POSTN: variants seen among roughly 807,000 people sequenced by gnomAD.
POSTN encodes periostin.
A neutral mutation model predicts 104.5 loss-of-function variants in POSTN; 71 were observed. The ratio of observed to expected loss-of-function variants is 0.68; its 90% confidence interval spans 0.56 to 0.83. The LOEUF (loss-of-function observed/expected upper bound fraction) is 0.83, where lower values mean the gene tolerates loss of function less well. Among genes scored for constraint, POSTN ranks in the 40% least tolerant of loss-of-function variants. The pLI is 0.00. For missense variants in POSTN, 949 were observed against 1,006.8 expected (o/e 0.94, Z 0.78); for synonymous variants, 355 against 340.7 (o/e 1.04, Z -0.46).
Position 37,569,377 on chromosome 13 carries a change from G to T in POSTN, c.2354C>A (p.Thr785Asn). The T allele has an allele frequency of 6.2e-7, 1 of 1,611,754 alleles. No homozygotes were observed. Among genetic ancestry groups the T allele is most frequent in the African/African-American group, 1.3e-5 (1 of 74,930 alleles). ...ACCTTCAATGAATTTGGTGACCTTG[G>T]TGACCTCTGAGAGGATACATGTTTA... The part of the protein sequence containing the change: ...TLKKLLQEEV[T>N]KVTKFIEGGD... The change falls in exon 21 of 23, where the codon ACC becomes AAC. Residue 785 changes from threonine (T) to asparagine (N), a missense_variant. By Grantham distance (65) the Thr-to-Asn change is moderately conservative. Coordinates refer to ENST00000379747, the MANE Select transcript of POSTN (RefSeq NM_006475.3).
rs193235934 is a variant in POSTN, at chr13:37,590,728, C to G, written c.284-199G>C. Among the ~76,000 whole-genome samples the G allele has an allele frequency of 3.4e-5, 5 of 148,896 alleles. No homozygotes were observed. In the East Asian group the frequency reaches 1.1e-3, roughly 33 times the overall value. On this transcript the variant is annotated intron_variant, in intron 3 of 22. Coordinates refer to ENST00000379747, the MANE Select transcript of POSTN (RefSeq NM_006475.3). ...AATGCTACTGAAAAACATTATTTTA[C>G]ATATCCTTTGTGTTGAGGAAAAAAA...
intron 17 of POSTN, among the ~76,000 whole-genome samples, chr13:37,573,229 G>A (rs992522559): frequency 2.0e-5 from 3 of 151,348 alleles, no homozygotes; most frequent in African/African-American, 7.3e-5. Flanking sequence ...TTAAAAACAG[G>A]ACAAGATTTG....
chr13:37,591,556 A>G (rs1046805077), intron 3 of POSTN, among the ~76,000 whole-genome samples: 1 of 152,188 alleles, frequency 6.6e-6, no homozygotes, highest in Non-Finnish European at 1.5e-5. Flanking sequence ...TCATATTAAA[A>G]GAATTGGGGA....
rs1253544051 is a variant in POSTN, at chr13:37,592,106, G to C, written c.277C>G (p.Pro93Ala). 6.2e-7 allele frequency: 1 copy of C among 1,604,304 alleles called. No homozygotes were observed. Among genetic ancestry groups the C allele is most frequent in the Non-Finnish European group, 8.5e-7 (1 of 1,171,558 alleles). ...YMRMEGMKGC[P>A]AVLPIDHVYG... ...CAAAAAATTGAGATTTTACCTGCTG[G>C]GCAGCCTTTCATTCCTTCCATTCTC... Residue 93 changes from proline to alanine, a missense_variant, in exon 3 of 23, where the codon CCA (proline) becomes GCA (alanine). Pro to Ala is a conservative substitution (Grantham distance 27). Transcript: ENST00000379747.
chr13:37,578,269 ATT>A (rs1394070286), intron 15 of POSTN, among the ~76,000 whole-genome samples: 1 of 152,158 alleles, frequency 6.6e-6, no homozygotes, highest in African/African-American at 2.4e-5. Context: ...GACATGTCCA[ATT>A]TAAATACATA....
intron 4 of POSTN, among the ~76,000 whole-genome samples, chr13:37,588,577 C>T (rs1182142733): frequency 6.6e-6 from 1 of 152,074 alleles, no homozygotes; most frequent in Admixed American, 6.6e-5. Context: ...GGGAAAAATG[C>T]TTTCAGGGCT....
chr13:37,570,491 G>T, intron 19 of POSTN, 89 bp downstream of exon 19: 2 of 878,324 alleles, frequency 2.3e-6, no homozygotes, highest in Non-Finnish European at 3.6e-6. Flanking sequence ...AAAATGACTT[G>T]TTTCTTTAAT....
chr13:37,569,477 T>C (rs1489016283), intron 20 of POSTN, 94 bp from the exon 21 acceptor site: 3 of 1,017,232 alleles, frequency 2.9e-6, no homozygotes, highest in Non-Finnish European at 4.6e-6. Flanking sequence ...TGCCCAATAA[T>C]GAATTCCAGC....
rs1180219453 is a variant in POSTN at position 37,598,531 on chromosome 13, A to G, written c.119+77T>C. 5 of 1,363,544 alleles carry G rather than the reference A, an allele frequency of 3.7e-6. No individual in the cohort carries two copies. In the African/African-American group the frequency reaches 5.8e-5, roughly 16 times the overall value. 84.5% of individuals were successfully genotyped at this position (1,363,544 alleles called of 1,614,324 possible). A position where few individuals can be genotyped will look rare whatever the true frequency, so the allele number is the denominator to read the frequency against. On this transcript the variant is annotated intron_variant, in intron 1 of 22. Coordinates refer to ENST00000379747, the MANE Select transcript of POSTN (RefSeq NM_006475.3). ...AAAAAAACCCTGAGGCATATATGAGAAACTTTATGCATACTTGAACATCTA... is the reference window on the plus strand; with the variant it reads ...AAAAAAACCCTGAGGCATATATGAGGAACTTTATGCATACTTGAACATCTA...
chr13:37,570,526 A>G (rs1293047716), intron 19 of POSTN, 54 bp downstream of exon 19: 5 of 1,170,880 alleles, frequency 4.3e-6, no homozygotes, highest in Non-Finnish European at 6.3e-6. Context: ...GGGATTAACT[A>G]TAATTTGATC....
chr13:37,596,309 T>C (rs1026976994), intron 2 of POSTN, among the ~76,000 whole-genome samples: 5 of 152,266 alleles, frequency 3.3e-5, no homozygotes, highest in East Asian at 1.9e-4. Context: ...TTTTCTTGAC[T>C]GGGGATGACA....
chr13:37,583,387 T>C (rs1340822632), intron 9 of POSTN, among the ~76,000 whole-genome samples: 1 of 152,048 alleles, frequency 6.6e-6, no homozygotes, highest in African/African-American at 2.4e-5. Flanking sequence ...TGCATCCTTA[T>C]TGTGCTGGAA....
intron 9 of POSTN, 95 bp from the exon 10 acceptor site, chr13:37,582,609 G>T: frequency 1.7e-6 from 2 of 1,153,304 alleles, no homozygotes; most frequent in Non-Finnish European, 2.4e-6. Context: ...GATAATCCCT[G>T]ACATTATTGA....
chr13:37,582,658 C>A (rs1950628720), intron 9 of POSTN, 144 bp from the exon 10 acceptor site: 2 of 704,342 alleles, frequency 2.8e-6, no homozygotes, highest in Non-Finnish European at 2.2e-6. Flanking sequence ...ATGAATCAAC[C>A]AAATGCTAAA....
chr13:37,590,481 G>A lies in POSTN; in HGVS notation c.332C>T (p.Thr111Ile), dbSNP rs150410204. Residue 111 changes from threonine to isoleucine, a missense_variant, in exon 4 of 23, where the codon ACC (threonine) becomes ATC (isoleucine). By Grantham distance (89) the Thr-to-Ile change is moderately conservative. Transcript: ENST00000379747. The part of the protein sequence containing the change: ...VYGTLGIVGA[T>I]TTQRYSDASK... ...GGCGTCAGAATAGCGCTGCGTTGTG[G>A]TGGCTCCCACGATGCCCAGAGTGCC... is the stretch of plus-strand genomic sequence containing the variant. 3.1e-5 allele frequency: 50 copies of A among 1,612,962 alleles called. No homozygotes were observed. The highest frequency in any genetic ancestry group is 3.5e-5 in the Non-Finnish European group (41 of 1,179,372).
Position 37,584,012 on chromosome 13 carries a change from A to G in POSTN, c.1200T>C (p.Asp400=). ...CAGGTGCCAGCAAAGTGTATTCTCC[A>G]TCTGGCCTCAGAGCAGATGCCAAGC... The part of the protein sequence containing the change: ...QLGLASALRP[D]GEYTLLAPVN... The change falls in exon 9 of 23, where the codon GAT becomes GAC. Residue 400 remains aspartate, a synonymous_variant. Transcript: ENST00000379747. 3.1e-6 allele frequency: 5 copies of G among 1,613,942 alleles called. No homozygotes were observed. Among genetic ancestry groups the G allele is most frequent in the Non-Finnish European group, 4.2e-6 (5 of 1,179,940 alleles).
At chr13:37,570,003 C>G (rs1249738945) in intron 19 of POSTN, among the ~76,000 whole-genome samples, 182 bp from the exon 20 acceptor site, 3 of 151,858 alleles carry the variant, frequency 2.0e-5, no homozygotes, top group Non-Finnish European at 4.4e-5. Context: ...AGACTGTGTT[C>G]CGATAAAACT....
chr13:37,584,653 CA>C, intron 8 of POSTN, 62 bp downstream of exon 8: 1 of 1,319,588 alleles, frequency 7.6e-7, no homozygotes, highest in Admixed American at 1.9e-5. Flanking sequence ...CTCTTTGAGA[CA>C]GCATAATTAG....
chr13:37,596,545 A>G (rs1951091764), intron 2 of POSTN, among the ~76,000 whole-genome samples: 1 of 152,248 alleles, frequency 6.6e-6, no homozygotes, highest in Admixed American at 6.5e-5. Context: ...ATGTTAAAAC[A>G]TAATCATCCT....
Sources: gnomAD v4.1 joint callset for allele counts (sites outside exome capture counted in the v4.1 genomes callset) on GRCh38, gnomAD v4.1.1 for gene constraint, MANE v1.5 for transcripts, NCBI Gene and HGNC (gene_info 2026-07-23, HGNC 2026-07-21) for gene names.